Variants in KLHL1 observed in about 807,000 individuals in gnomAD.
KLHL1 encodes the protein kelch like family member 1, also known as kelch-like protein 1.
A neutral mutation model predicts 77.7 loss-of-function variants in KLHL1; 47 were observed. The observed-to-expected ratio is 0.60, with a 90% confidence interval of 0.48 to 0.77. The LOEUF is 0.77. KLHL1 is among the 30% of genes least tolerant of loss of function. KLHL1 has a pLI of 0.00. For missense variants in KLHL1, 925 were observed against 910.8 expected, an observed-to-expected ratio of 1.02 and a Z score of -0.20; for synonymous variants, 360 against 325.2, an observed-to-expected ratio of 1.11 and a Z score of -1.15.
At chr13:69,794,848 T>C (rs1377719794) in intron 7 of KLHL1, among the ~76,000 whole-genome samples, 2 of 152,138 alleles carry the variant, frequency 1.3e-5, no homozygotes, top group Non-Finnish European at 2.9e-5. Flanking sequence ...ATATTAAAGT[T>C]ACCTCTCAGG....
chr13:70,097,640 T>A (rs914464568), intron 1 of KLHL1, among the ~76,000 whole-genome samples: 1 of 151,974 alleles, frequency 6.6e-6, no homozygotes, highest in East Asian at 1.9e-4. Context: ...ACATAAATTT[T>A]CTTTTTTAGT....
intron 5 of KLHL1, among the ~76,000 whole-genome samples, chr13:69,859,265 T>C (rs1299689394): frequency 6.6e-6 from 1 of 151,574 alleles, no homozygotes; most frequent in African/African-American, 2.4e-5. Context: ...GCACTTTTTT[T>C]TTTTTTTTCC....
chr13:69,825,003 TA>T (rs1878489825), intron 6 of KLHL1, among the ~76,000 whole-genome samples: 1 of 152,110 alleles, frequency 6.6e-6, no homozygotes, highest in Non-Finnish European at 1.5e-5. Flanking sequence ...TGAAATGCAT[TA>T]AAAAATTGAT....
At chr13:69,971,967 G>C (rs534105446) in intron 2 of KLHL1, among the ~76,000 whole-genome samples, 1 of 152,060 alleles carries the variant, frequency 6.6e-6, no homozygotes, top group Admixed American at 6.6e-5. Flanking sequence ...AAGTGATCAA[G>C]AAAACAAAAG....
chr13:69,895,322 G>T (rs1881591486), intron 4 of KLHL1, among the ~76,000 whole-genome samples: 1 of 151,948 alleles, frequency 6.6e-6, no homozygotes, highest in African/African-American at 2.4e-5. Context: ...TAGGATTCTT[G>T]CCTCCTCCAG....
chr13:70,017,766 A>G (rs1593677493), intron 1 of KLHL1, among the ~76,000 whole-genome samples: 2 of 152,228 alleles, frequency 1.3e-5, no homozygotes, highest in Admixed American at 1.3e-4. Context: ...TACATAAATA[A>G]AAAGAAAACA....
chr13:69,770,959 C>G (rs888826355), intron 7 of KLHL1, among the ~76,000 whole-genome samples: 71 of 152,262 alleles, frequency 4.7e-4, no homozygotes, highest in African/African-American at 1.6e-3. Flanking sequence ...GTTTATATAT[C>G]ACAAGTATGA....
At chr13:69,802,108 C>G (rs539578932) in intron 6 of KLHL1, among the ~76,000 whole-genome samples, 3 of 152,048 alleles carry the variant, frequency 2.0e-5, no homozygotes, top group Non-Finnish European at 2.9e-5. Context: ...TGAGTGAGAA[C>G]ATGCAGTGTT....
rs548505989 is a variant in KLHL1, at chr13:70,077,314, G to A, written c.497+29889C>T. Among the ~76,000 whole-genome samples, 11 of 151,906 alleles carry A rather than the reference G, an allele frequency of 7.2e-5. No homozygotes were observed. The South Asian group carries it at 2.3e-3, about 32-fold the overall frequency. ...GAGCTCTTAAGTCTCAAAAATACATGGAGGAAACTTAAATGTATACTGCTA... is the reference window on the plus strand; with the variant it reads ...GAGCTCTTAAGTCTCAAAAATACATAGAGGAAACTTAAATGTATACTGCTA... On this transcript the variant is annotated intron_variant, in intron 1 of 10. Coordinates refer to ENST00000377844, the MANE Select transcript of KLHL1 (RefSeq NM_020866.3).
At chr13:69,995,217 C>A (rs1402943677) in intron 1 of KLHL1, among the ~76,000 whole-genome samples, 1 of 152,124 alleles carries the variant, frequency 6.6e-6, no homozygotes, top group Non-Finnish European at 1.5e-5. Context: ...CTATTATTTA[C>A]TATCTGGTAT....
chr13:70,015,000 A>AG (rs1340959631), intron 1 of KLHL1, among the ~76,000 whole-genome samples: 3 of 151,174 alleles, frequency 2.0e-5, no homozygotes, highest in Non-Finnish European at 4.4e-5. Flanking sequence ...ACATGCAAAA[A>AG]TTATTAAAAA....
chr13:69,965,367 T>C (rs919085153), intron 2 of KLHL1, among the ~76,000 whole-genome samples: 1 of 152,212 alleles, frequency 6.6e-6, no homozygotes, highest in Non-Finnish European at 1.5e-5. Context: ...TGATCTTTGA[T>C]GTTACAATTG....
chr13:69,958,792 T>C (rs1470053639), intron 3 of KLHL1, among the ~76,000 whole-genome samples: 1 of 151,992 alleles, frequency 6.6e-6, no homozygotes, highest in South Asian at 2.1e-4. Flanking sequence ...CTATTCCCAC[T>C]CATTCATTTT....
chr13:69,796,809 A>G lies in KLHL1; in HGVS notation c.1568T>C (p.Val523Ala). The G allele has an allele frequency of 8.1e-6, 13 of 1,614,174 alleles. No homozygotes were observed. Among genetic ancestry groups the G allele is most frequent in the South Asian group, 1.1e-5 (1 of 91,088 alleles). Residue 523 changes from valine to alanine, a missense_variant, in exon 7 of 11, where the codon GTT (valine) becomes GCT (alanine). Physicochemically the swap from Val to Ala is moderately conservative, Grantham distance 64. Transcript: ENST00000377844. ...GRDGLKTLNT[V>A]ECYNPKTKTW... ...CTTGGTTTTGGGATTGTAACATTCAACAGTGTTCAATGTCTTTAAGCCATC... is the reference window on the plus strand; with the variant it reads ...CTTGGTTTTGGGATTGTAACATTCAGCAGTGTTCAATGTCTTTAAGCCATC...
chr13:69,999,052 A>T (rs1454187520), intron 1 of KLHL1, among the ~76,000 whole-genome samples: 1 of 152,034 alleles, frequency 6.6e-6, no homozygotes, highest in African/African-American at 2.4e-5. Flanking sequence ...TTCTCCATCA[A>T]GTAAGCACAG....
chr13:69,977,231 C>G (rs914577574), intron 1 of KLHL1, among the ~76,000 whole-genome samples: 1 of 151,924 alleles, frequency 6.6e-6, no homozygotes. Flanking sequence ...CTCCCAGTTG[C>G]TACAGATATG....
chr13:70,102,254 T>G (rs2137456010), intron 1 of KLHL1, among the ~76,000 whole-genome samples: 1 of 152,292 alleles, frequency 6.6e-6, no homozygotes, highest in East Asian at 1.9e-4. Context: ...GTTCCAATAT[T>G]CATAAGCAGA....
chr13:70,072,341 C>T (rs1555295120), intron 1 of KLHL1, among the ~76,000 whole-genome samples: 1 of 152,068 alleles, frequency 6.6e-6, no homozygotes, highest in Admixed American at 6.6e-5. Flanking sequence ...GATGTTTTTA[C>T]TGGTGAATTC....
chr13:70,067,711 G>A (rs1887043307), intron 1 of KLHL1, among the ~76,000 whole-genome samples: 1 of 152,110 alleles, frequency 6.6e-6, no homozygotes, highest in African/African-American at 2.4e-5. Flanking sequence ...GAAAGAATCT[G>A]AAATAAACAA....
Sources: gnomAD v4.1 joint callset for allele counts (sites outside exome capture counted in the v4.1 genomes callset) on GRCh38, gnomAD v4.1.1 for gene constraint, MANE v1.5 for transcripts, NCBI Gene and HGNC (gene_info 2026-07-23, HGNC 2026-07-21) for gene names.